TNR: variants seen among roughly 807,000 people sequenced by gnomAD.
TNR encodes tenascin R.
Under a neutral mutation model 150.4 loss-of-function variants are expected in TNR, and 45 were observed. The observed-to-expected ratio is 0.30, with a 90% CI of 0.24 to 0.38. The LOEUF (loss-of-function observed/expected upper bound fraction) is 0.38. TNR is among the 10% of genes least tolerant of loss of function. The pLI is 1.00. For synonymous variants in TNR, 687 were observed against 678.4 expected, an observed-to-expected ratio of 1.01 and a Z score of -0.20; for missense variants, 1,544 against 1,759.1, an observed-to-expected ratio of 0.88 and a Z score of 2.19.
Position 175,501,706 on chromosome 1 carries a change from C to T in TNR, c.-64+26563G>A, listed in dbSNP as rs571167567. Among the ~76,000 whole-genome samples, 78 of 152,326 alleles carry T rather than the reference C, an allele frequency of 5.1e-4. 1 individual carries two copies. In the South Asian group the frequency reaches 0.016, roughly 31 times the overall value. ...TTCCTTCCTTCTTCTTAACTTCATC[C>T]TTTCTTCTTTCCTTTCTTGCTTCCT... On this transcript the variant is annotated intron_variant, in intron 2 of 22. Coordinates refer to ENST00000367674, the MANE Select transcript of TNR (RefSeq NM_003285.3).
At chr1:175,709,530 T>C (rs367911826) in intron 1 of TNR, among the ~76,000 whole-genome samples, 8 of 152,352 alleles carry the variant, frequency 5.3e-5, no homozygotes, top group Admixed American at 3.3e-4. Flanking sequence ...ACATGTGTTG[T>C]AAAAAGAAAT....
intron 2 of TNR, among the ~76,000 whole-genome samples, chr1:175,428,553 T>C (rs1218962411): frequency 6.6e-6 from 1 of 152,192 alleles, no homozygotes; most frequent in Non-Finnish European, 1.5e-5. Flanking sequence ...CTTCATATTA[T>C]ATATGAGAAA....
intron 2 of TNR, among the ~76,000 whole-genome samples, chr1:175,439,168 A>T (rs989712008): frequency 6.6e-6 from 1 of 152,146 alleles, no homozygotes; most frequent in Non-Finnish European, 1.5e-5. Context: ...TACTGGTACC[A>T]AAACAGAGAT....
intron 1 of TNR, among the ~76,000 whole-genome samples, chr1:175,717,078 A>T (rs1667176349): frequency 6.6e-6 from 1 of 152,170 alleles, no homozygotes; most frequent in Admixed American, 6.5e-5. Flanking sequence ...GTCTTGCCAT[A>T]TCCTCTTTAT....
At chr1:175,572,590 T>A (rs1661923564) in intron 1 of TNR, among the ~76,000 whole-genome samples, 1 of 152,106 alleles carries the variant, frequency 6.6e-6, no homozygotes, top group South Asian at 2.1e-4. Flanking sequence ...GGTGTTTGTG[T>A]TTAGTTCAAG....
At chr1:175,489,084 T>A (rs142760554) in intron 2 of TNR, among the ~76,000 whole-genome samples, 75 of 152,338 alleles carry the variant, frequency 4.9e-4, no homozygotes, top group African/African-American at 1.7e-3. Context: ...ATAGTTTAGA[T>A]GCCCTTTCAA....
At chr1:175,432,649 G>A (rs1234923621) in intron 2 of TNR, among the ~76,000 whole-genome samples, 1 of 150,968 alleles carries the variant, frequency 6.6e-6, no homozygotes, top group Non-Finnish European at 1.5e-5. Flanking sequence ...TTATTTCAAG[G>A]CTTGCTCCTC....
In TNR at chr1:175,379,595, C is replaced by G. The variant is rs759367959; in HGVS notation, c.1920G>C (p.Leu640=). 12 of 1,613,892 alleles carry G rather than the reference C, an allele frequency of 7.4e-6. No individual in the cohort carries two copies. In the East Asian group the frequency reaches 2.7e-4, roughly 36 times the overall value. The change falls in exon 9 of 23, where the codon CTG becomes CTC. Residue 640 remains leucine, a synonymous_variant. Transcript: ENST00000367674. ...TGGTTGGACCAATGCCCCTGGGGAC[C>G]AGTACCTCATGATATTGCTCACCCG... ...TLAGEQYHEV[L]VPRGIGPTTR...
intron 9 of TNR, among the ~76,000 whole-genome samples, chr1:175,370,398 C>T (rs1362103947): frequency 2.9e-5 from 4 of 137,162 alleles, no homozygotes; most frequent in Non-Finnish European, 4.6e-5. Flanking sequence ...CTACAAAAAC[C>T]GCCCCAGGCA....
intron 2 of TNR, among the ~76,000 whole-genome samples, chr1:175,526,618 A>G (rs1431591866): frequency 2.0e-5 from 3 of 152,222 alleles, no homozygotes; most frequent in African/African-American, 4.8e-5. Flanking sequence ...TTTGGCAAGA[A>G]GCTGAAAACC....
intron 2 of TNR, among the ~76,000 whole-genome samples, chr1:175,509,533 C>T (rs916792940): frequency 1.3e-5 from 2 of 152,218 alleles, no homozygotes; most frequent in African/African-American, 2.4e-5. Flanking sequence ...CCCTCCCTAA[C>T]TCCCTGACCC....
chr1:175,681,688 G>A (rs879794473), intron 1 of TNR, among the ~76,000 whole-genome samples: 1 of 152,182 alleles, frequency 6.6e-6, no homozygotes, highest in Non-Finnish European at 1.5e-5. Flanking sequence ...CTGTACAACA[G>A]TGGGAGCAGT....
At chr1:175,509,828 A>G (rs1659097623) in intron 2 of TNR, among the ~76,000 whole-genome samples, 1 of 152,200 alleles carries the variant, frequency 6.6e-6, no homozygotes, top group South Asian at 2.1e-4. Context: ...CTGTATTTTT[A>G]AACTTCCTTC....
At chr1:175,672,975 G>T (rs1257200798) in intron 1 of TNR, among the ~76,000 whole-genome samples, 1 of 152,060 alleles carries the variant, frequency 6.6e-6, no homozygotes, top group African/African-American at 2.4e-5. Context: ...GCTGCTCCAA[G>T]GCCTCTTCTG....
intron 1 of TNR, among the ~76,000 whole-genome samples, chr1:175,560,779 G>A (rs1217148490): frequency 2.0e-5 from 3 of 152,024 alleles, no homozygotes; most frequent in Non-Finnish European, 4.4e-5. Context: ...TCTAAATTGT[G>A]GTTTTATGAG....
intron 1 of TNR, among the ~76,000 whole-genome samples, chr1:175,655,898 T>C (rs1665156499): frequency 6.6e-6 from 1 of 152,074 alleles, no homozygotes; most frequent in Admixed American, 6.5e-5. Context: ...GGGGAGATGG[T>C]AGGAGGATGC....
At chr1:175,521,832 A>G (rs1228884126) in intron 2 of TNR, among the ~76,000 whole-genome samples, 1 of 151,942 alleles carries the variant, frequency 6.6e-6, no homozygotes, top group Non-Finnish European at 1.5e-5. Context: ...TGCTTTCACT[A>G]CTGTAACACA....
chr1:175,323,068 G>C lies in TNR; in HGVS notation c.*289C>G. ...ATAACAATCTGCACCCCACGACTTGGCTTTGAATTGGCCCTTTAAGAAAAC... is the reference window on the plus strand; with the variant it reads ...ATAACAATCTGCACCCCACGACTTGCCTTTGAATTGGCCCTTTAAGAAAAC... On this transcript the variant is annotated 3_prime_UTR_variant, in exon 23 of 23. Coordinates refer to ENST00000367674, the MANE Select transcript of TNR (RefSeq NM_003285.3). 3.4e-6 allele frequency: 1 copy of C among 290,250 alleles called. No homozygotes were observed. The highest frequency in any genetic ancestry group is 6.5e-6 in the Non-Finnish European group (1 of 154,968). 18.0% of individuals were successfully genotyped at this position (290,250 alleles called of 1,614,324 possible). A position where few individuals can be genotyped will look rare whatever the true frequency, so the allele number is the denominator to read the frequency against.
chr1:175,522,758 T>C (rs575128140), intron 2 of TNR, among the ~76,000 whole-genome samples: 11 of 152,152 alleles, frequency 7.2e-5, no homozygotes, highest in Non-Finnish European at 1.6e-4. Flanking sequence ...GCCATTTAGG[T>C]CCACACATAA....
Sources: gnomAD v4.1 joint callset for allele counts (sites outside exome capture counted in the v4.1 genomes callset) on GRCh38, gnomAD v4.1.1 for gene constraint, MANE v1.5 for transcripts, NCBI Gene and HGNC (gene_info 2026-07-23, HGNC 2026-07-21) for gene names.